The following ATXN1 variants were observed in gnomAD, a reference collection of about 807,000 sequenced individuals.
ATXN1 encodes the protein ataxin 1.
A neutral mutation model predicts 56.4 loss-of-function variants in ATXN1; 8 were observed. That is an observed-to-expected ratio of 0.14 (90% CI 0.08 to 0.26). The LOEUF (loss-of-function observed/expected upper bound fraction) is 0.26. Among genes scored for constraint, ATXN1 ranks in the 10% least tolerant of loss-of-function variants. ATXN1 has a pLI of 1.00. For missense variants in ATXN1, 987 were observed against 1,106.5 expected, an observed-to-expected ratio of 0.89 and a Z score of 1.53; for synonymous variants, 514 against 494.6, an observed-to-expected ratio of 1.04 and a Z score of -0.52.
At chr6:16,312,145 C>T (rs776845877) in intron 7 of ATXN1, among the ~76,000 whole-genome samples, 5 of 152,172 alleles carry the variant, frequency 3.3e-5, no homozygotes, top group African/African-American at 7.2e-5. Flanking sequence ...AGGATTTCCA[C>T]GTTACCAAGT....
At chr6:16,592,454 G>T (rs1024848435) in intron 3 of ATXN1, among the ~76,000 whole-genome samples, 1 of 152,060 alleles carries the variant, frequency 6.6e-6, no homozygotes. Flanking sequence ...AAAGAAAGGT[G>T]GGCACCAAAA....
chr6:16,601,456 G>A (rs891824349), intron 3 of ATXN1, among the ~76,000 whole-genome samples: 8 of 152,082 alleles, frequency 5.3e-5, no homozygotes, highest in Non-Finnish European at 8.8e-5. Flanking sequence ...AGGATTTCCA[G>A]GGGACTTTGA....
intron 4 of ATXN1, among the ~76,000 whole-genome samples, chr6:16,550,645 A>G (rs1387763386): frequency 6.6e-6 from 1 of 152,236 alleles, no homozygotes; most frequent in Admixed American, 6.5e-5. Context: ...CTGAAGCTCA[A>G]AAAGGTTAGG....
At position 16,568,664 on chromosome 6, in the gene ATXN1, T is replaced by A. The variant is rs1263061461; in HGVS notation, c.-361+17116A>T. On this transcript the variant is annotated intron_variant, in intron 4 of 7. Coordinates refer to ENST00000436367, the MANE Select transcript of ATXN1 (RefSeq NM_001128164.2). ...TTTCGGTACCTGGAAACAACCAAAG[T>A]TTTTTTTTTCTGGCATCTGTCTGCC... is the stretch of plus-strand genomic sequence containing the variant. 6.2e-5 allele frequency among the ~76,000 whole-genome samples: 3 copies of A among 48,466 alleles called. No individual in the cohort carries two copies. The South Asian group carries it at 5.7e-3, about 92-fold the overall frequency. 31.8% of individuals were successfully genotyped at this position (48,466 alleles called of 152,430 possible). A position where few individuals can be genotyped will look rare whatever the true frequency, so the allele number is the denominator to read the frequency against.
intron 4 of ATXN1, among the ~76,000 whole-genome samples, chr6:16,550,213 T>C (rs961426929): frequency 7.7e-5 from 11 of 143,654 alleles, no homozygotes; most frequent in African/African-American, 2.9e-4. Context: ...CCCTAGCAAG[T>C]GGTCACTGGT....
At chr6:16,429,564 C>T (rs1334207537) in intron 6 of ATXN1, among the ~76,000 whole-genome samples, 2 of 151,578 alleles carry the variant, frequency 1.3e-5, no homozygotes, top group African/African-American at 4.9e-5. Flanking sequence ...ATTACAGGTG[C>T]CCACCACCAC....
In ATXN1 at chr6:16,759,345, G is replaced by A. The variant is rs193025333; in HGVS notation, c.-730+1953C>T. On this transcript the variant is annotated intron_variant, in intron 1 of 7. Coordinates refer to ENST00000436367, the MANE Select transcript of ATXN1 (RefSeq NM_001128164.2). ...TAAGGCATTAGTTTTTATTCTGTGG[G>A]TGTAATAGGGTCTTCTAATTTTGCT... Among the ~76,000 whole-genome samples, 196 of 152,326 alleles carry A rather than the reference G, an allele frequency of 1.3e-3. 1 individual carries two copies. Among genetic ancestry groups the A allele is most frequent in the Non-Finnish European group, 2.0e-3 (139 of 68,028 alleles).
At chr6:16,398,483 TACAC>T (rs1359805351) in intron 6 of ATXN1, among the ~76,000 whole-genome samples, 2 of 152,116 alleles carry the variant, frequency 1.3e-5, no homozygotes. Context: ...GAGTTTATTT[TACAC>T]ACACACACAT....
intron 2 of ATXN1, among the ~76,000 whole-genome samples, chr6:16,691,980 T>C (rs1759056116): frequency 6.6e-6 from 1 of 152,212 alleles, no homozygotes; most frequent in African/African-American, 2.4e-5. Flanking sequence ...AGCCTTAGAA[T>C]AGGCCGGGTG....
chr6:16,385,213 A>G (rs931350686), intron 6 of ATXN1, among the ~76,000 whole-genome samples: 61 of 152,224 alleles, frequency 4.0e-4, no homozygotes, highest in African/African-American at 1.4e-3. Context: ...GGAGGTAACG[A>G]GTGCCCTTCT....
chr6:16,672,346 T>C (rs1401916999), intron 2 of ATXN1, among the ~76,000 whole-genome samples: 1 of 152,238 alleles, frequency 6.6e-6, no homozygotes, highest in Non-Finnish European at 1.5e-5. Context: ...AAAAGGCTTT[T>C]TTAAAAACCC....
At chr6:16,406,761 T>C (rs1758693640) in intron 6 of ATXN1, among the ~76,000 whole-genome samples, 3 of 152,212 alleles carry the variant, frequency 2.0e-5, no homozygotes, top group Admixed American at 2.0e-4. Context: ...ACAAGTTACT[T>C]CCTCCTTCCT....
chr6:16,458,854 G>C (rs1759933590), intron 6 of ATXN1, among the ~76,000 whole-genome samples: 1 of 152,240 alleles, frequency 6.6e-6, no homozygotes, highest in African/African-American at 2.4e-5. Context: ...CCAACCAGAT[G>C]ATCCAACAAC....
At chr6:16,567,095 C>T (rs1449751606) in intron 4 of ATXN1, among the ~76,000 whole-genome samples, 1 of 152,166 alleles carries the variant, frequency 6.6e-6, no homozygotes, top group African/African-American at 2.4e-5. Context: ...TAAATCACAG[C>T]TTTGCAGTTC....
rs149982092 is a variant in ATXN1, at chr6:16,506,320, G to A, written c.-299+16307C>T. Among the ~76,000 whole-genome samples the A allele has an allele frequency of 3.0e-3, 458 of 152,202 alleles. 2 individuals are homozygous for A. Among genetic ancestry groups the A allele is most frequent in the African/African-American group, 0.011 (441 of 41,530 alleles). ...GAGTCAAATGAAGAAAGTGGTTTAA[G>A]GGAAATGGTCATTTTCTAATGATTT... On this transcript the variant is annotated intron_variant, in intron 5 of 7. Coordinates refer to ENST00000436367, the MANE Select transcript of ATXN1 (RefSeq NM_001128164.2). This position sits in a 1 kb window ranked among gnomAD's most constrained non-coding sequence, Gnocchi z 4.1.
intron 6 of ATXN1, among the ~76,000 whole-genome samples, chr6:16,457,361 T>C (rs1355802252): frequency 6.6e-6 from 1 of 151,448 alleles, no homozygotes; most frequent in Non-Finnish European, 1.5e-5. Flanking sequence ...CAGGGACTGT[T>C]GTGGGTTCTT....
At chr6:16,415,299 G>A (rs1365765235) in intron 6 of ATXN1, among the ~76,000 whole-genome samples, 6 of 152,044 alleles carry the variant, frequency 3.9e-5, no homozygotes, top group Admixed American at 3.3e-4. Flanking sequence ...GTGCGATCTC[G>A]GCTCACTGCA....
chr6:16,519,104 T>C (rs1761239423), intron 5 of ATXN1, among the ~76,000 whole-genome samples: 2 of 152,186 alleles, frequency 1.3e-5, no homozygotes, highest in Admixed American at 1.3e-4. Context: ...AATATTAATG[T>C]CATGGTTACT....
At chr6:16,742,791 G>A (rs886348343) in intron 2 of ATXN1, among the ~76,000 whole-genome samples, 6 of 152,134 alleles carry the variant, frequency 3.9e-5, no homozygotes, top group African/African-American at 9.7e-5. Context: ...CATACTTGAC[G>A]AGCAGGGTTT....
Sources: allele counts gnomAD v4.1 joint callset (sites outside exome capture counted in the v4.1 genomes callset), GRCh38; gene constraint gnomAD v4.1.1; non-coding constraint Gnocchi (gnomAD v3.1); transcripts MANE v1.5; gene names NCBI Gene and HGNC (gene_info 2026-07-23, HGNC 2026-07-21).